Variants in CNIH3 observed in about 807,000 individuals in gnomAD.
CNIH3 encodes cornichon family AMPA receptor auxiliary protein 3, also known as protein cornichon homolog 3.
In CNIH3, 14 loss-of-function variants were observed where a neutral mutation model predicts 24.1. The ratio of observed to expected loss-of-function variants is 0.58; its 90% CI spans 0.38 to 0.91. The LOEUF (loss-of-function observed/expected upper bound fraction) is 0.91. Ranked by LOEUF, CNIH3 falls within the 40% of genes least tolerant of loss-of-function variation. The pLI, the probability that CNIH3 is intolerant of heterozygous loss-of-function variation, is 0.00. For synonymous variants in CNIH3, 68 were observed against 73.8 expected (o/e 0.92, Z 0.40); for missense variants, 178 against 196.8 (o/e 0.90, Z 0.57).
At chr1:224,698,366 G>A (rs2897161) in intron 3 of CNIH3, among the ~76,000 whole-genome samples, 1 of 152,164 alleles carries the variant, frequency 6.6e-6, no homozygotes, top group African/African-American at 2.4e-5. Flanking sequence ...CGGGGAACAC[G>A]CAGCAAGAAC....
At chr1:224,594,651 C>A (rs1222249155) in intron 3 of CNIH3, among the ~76,000 whole-genome samples, 1 of 152,148 alleles carries the variant, frequency 6.6e-6, no homozygotes, top group Non-Finnish European at 1.5e-5. Context: ...TCAGGCGGAG[C>A]AGCATAAACA....
chr1:224,574,943 G>A lies in CNIH3; in HGVS notation n.517-8221G>A, dbSNP rs1680972755. ...CCAACTTCAACCATCTCCAGGTTGA[G>A]AGGATCTTAAACAAACCTGACTTAA... On this transcript the variant is annotated intron_variant and non_coding_transcript_variant, in intron 4 of 5. Transcript: ENST00000471578. 6.5e-6 allele frequency: 6 copies of A among 924,790 alleles called. No homozygotes were observed. The Admixed American group carries it at 8.5e-5, about 13-fold the overall frequency. 57.3% of individuals were successfully genotyped at this position (924,790 alleles called of 1,614,324 possible). A position where few individuals can be genotyped will look rare whatever the true frequency, so the allele number is the denominator to read the frequency against.
chr1:224,700,102 A>G (rs1296329740), intron 3 of CNIH3, among the ~76,000 whole-genome samples: 1 of 152,062 alleles, frequency 6.6e-6, no homozygotes, highest in Non-Finnish European at 1.5e-5. Context: ...CCATTTCTGT[A>G]TATAAGGTAG....
chr1:224,592,981 T>C (rs1221581961), downstream of CNIH3, among the ~76,000 whole-genome samples: 1 of 152,038 alleles, frequency 6.6e-6, no homozygotes, highest in Admixed American at 6.5e-5. Flanking sequence ...CACTTAATTT[T>C]CATTGGTGGG....
chr1:224,468,973 T>G (rs1676258864), intron 1 of CNIH3, among the ~76,000 whole-genome samples: 2 of 152,150 alleles, frequency 1.3e-5, no homozygotes, highest in Non-Finnish European at 2.9e-5. Flanking sequence ...TCAGTTCCTC[T>G]CTAATCCTAG....
intron 1 of CNIH3, among the ~76,000 whole-genome samples, chr1:224,617,851 C>A (rs1683094769): frequency 6.6e-6 from 1 of 152,222 alleles, no homozygotes; most frequent in East Asian, 1.9e-4. Context: ...GAAGGGCAGG[C>A]ATCATTAAGG....
At chr1:224,484,293 G>C (rs1043745598) in intron 1 of CNIH3, among the ~76,000 whole-genome samples, 2 of 151,976 alleles carry the variant, frequency 1.3e-5, no homozygotes, top group African/African-American at 4.8e-5. Flanking sequence ...AGCCGGGCGC[G>C]GTAGTGGGCA....
At chr1:224,434,676 C>G in exon 1 of CNIH3, 1 of 859,676 alleles carries the variant, frequency 1.2e-6, no homozygotes, top group Non-Finnish European at 1.4e-6. Context: ...TGGGCTGAGC[C>G]CCGGCAGTGG....
chr1:224,735,856 GGGTTTCACTGT>G, intron 5 of CNIH3, among the ~76,000 whole-genome samples: 1 of 151,794 alleles, frequency 6.6e-6, no homozygotes, highest in South Asian at 2.1e-4. Context: ...TGTAGAGATG[GGGTTTCACTGT>G]GTTGCCCAGG....
chr1:224,668,014 C>T (rs115156714), intron 1 of CNIH3, among the ~76,000 whole-genome samples: 2,357 of 152,250 alleles, frequency 0.015, 63 homozygotes, highest in African/African-American at 0.054. Context: ...TCTATGCACA[C>T]ATACAGAATA....
intron 3 of CNIH3, among the ~76,000 whole-genome samples, chr1:224,692,851 T>C (rs1686994994): frequency 6.6e-6 from 1 of 152,174 alleles, no homozygotes; most frequent in Middle Eastern, 3.2e-3. Flanking sequence ...ACATGCTCCT[T>C]AAGGACCACC....
At chr1:224,631,947 T>TA (rs999218362) in intron 1 of CNIH3, among the ~76,000 whole-genome samples, 2 of 152,118 alleles carry the variant, frequency 1.3e-5, no homozygotes, top group African/African-American at 2.4e-5. Context: ...TATCTTGGAT[T>TA]AAAAAAAATT....
chr1:224,526,366 G>A (rs1399657929), intron 2 of CNIH3, among the ~76,000 whole-genome samples: 1 of 152,110 alleles, frequency 6.6e-6, no homozygotes, highest in Admixed American at 6.5e-5. Flanking sequence ...TAGTGCCCTC[G>A]TAAAAGACTG....
At chr1:224,687,698 A>G (rs892833854) in intron 3 of CNIH3, among the ~76,000 whole-genome samples, 6 of 152,222 alleles carry the variant, frequency 3.9e-5, no homozygotes, top group Non-Finnish European at 8.8e-5. Context: ...TCGTACCAGG[A>G]CCACCAGCTT....
intron 3 of CNIH3, among the ~76,000 whole-genome samples, chr1:224,597,198 C>CAAACA (rs1260765063): frequency 1.3e-5 from 2 of 151,800 alleles, no homozygotes; most frequent in Non-Finnish European, 1.5e-5. Flanking sequence ...AAAACCAAAC[C>CAAACA]AAACAAAACA....
At chr1:224,677,749 A>T (rs1025572474) in intron 1 of CNIH3, among the ~76,000 whole-genome samples, 2 of 152,100 alleles carry the variant, frequency 1.3e-5, no homozygotes, top group African/African-American at 4.8e-5. Context: ...ACCTCCCTGC[A>T]CTCAGACAGA....
At chr1:224,659,836 AGCATCTCAG>A (rs1685262432) in intron 1 of CNIH3, among the ~76,000 whole-genome samples, 1 of 152,202 alleles carries the variant, frequency 6.6e-6, no homozygotes, top group African/African-American at 2.4e-5. Flanking sequence ...GGAGAGAGTT[AGCATCTCAG>A]GCCTTTTCAT....
chr1:224,457,275 CTGTGTGTGTGTG>C (rs1168012940), intron 1 of CNIH3, among the ~76,000 whole-genome samples: 2 of 42,702 alleles, frequency 4.7e-5, no homozygotes, highest in African/African-American at 7.3e-5. Flanking sequence ...CTCTCTCTCT[CTGTGTGTGTGTG>C]TGTGTGTGTG....
At chr1:224,573,714 C>A (rs1680916870) in intron 4 of CNIH3, among the ~76,000 whole-genome samples, 3 of 152,026 alleles carry the variant, frequency 2.0e-5, no homozygotes, top group Admixed American at 2.0e-4. Context: ...AGCTTTTTTC[C>A]ATGTTTGTCT....
Sources: gnomAD v4.1 joint callset for allele counts (sites outside exome capture counted in the v4.1 genomes callset) on GRCh38, gnomAD v4.1.1 for gene constraint, MANE v1.5 for transcripts, NCBI Gene and HGNC (gene_info 2026-07-23, HGNC 2026-07-21) for gene names.